The following PDE9A variants were observed in gnomAD, a reference collection of about 807,000 sequenced individuals.
PDE9A encodes phosphodiesterase 9A.
PDE9A carries 60 observed loss-of-function variants against 87.4 expected under a neutral mutation model. That is an observed-to-expected ratio of 0.69 (90% CI 0.56 to 0.85). PDE9A has a LOEUF of 0.85. Ranked by LOEUF, PDE9A falls within the 40% of genes least tolerant of loss-of-function variation. The pLI is 0.00. For synonymous variants in PDE9A, 272 were observed against 279.4 expected (o/e 0.97, Z 0.27); for missense variants, 665 against 779.0 (o/e 0.85, Z 1.74).
At chr21:42,740,702 TAGTA>T (rs1414978992) in intron 7 of PDE9A, among the ~76,000 whole-genome samples, 8 of 113,768 alleles carry the variant, frequency 7.0e-5, no homozygotes, top group South Asian at 2.9e-4. Flanking sequence ...GGTAGGTAGG[TAGTA>T]GATAGATAGA....
chr21:42,681,552 C>G, intron 1 of PDE9A, among the ~76,000 whole-genome samples: 1 of 152,200 alleles, frequency 6.6e-6, no homozygotes, highest in Non-Finnish European at 1.5e-5. Context: ...AGCTTGAGGG[C>G]TCCCAGACAG....
In PDE9A at chr21:42,759,107, G is replaced by A. The variant is rs780107537; in HGVS notation, c.897+22G>A. Reference sequence around the variant, plus strand: ...GCTGGTGAGTGCCAAACCCGCCTTCGGTTCTTCCTGGGCACGTGGTTTCAT... The same window carrying A: ...GCTGGTGAGTGCCAAACCCGCCTTCAGTTCTTCCTGGGCACGTGGTTTCAT... On this transcript the variant is annotated intron_variant, in intron 11 of 19. Coordinates refer to ENST00000291539, the MANE Select transcript of PDE9A (RefSeq NM_002606.3). This position sits in a 1 kb window ranked among gnomAD's most constrained non-coding sequence, Gnocchi z 7.2. 1.3e-5 allele frequency: 20 copies of A among 1,564,032 alleles called. No homozygotes were observed. The highest frequency in any genetic ancestry group is 1.0e-4 in the Admixed American group (6 of 59,894).
At chr21:42,715,527 G>A (rs1218065226) in intron 4 of PDE9A, among the ~76,000 whole-genome samples, 2 of 151,580 alleles carry the variant, frequency 1.3e-5, no homozygotes, top group African/African-American at 4.8e-5. Flanking sequence ...CTTGGCAGGG[G>A]AATCGCTTGA....
At chr21:42,680,177 C>T (rs1430525105) in intron 1 of PDE9A, among the ~76,000 whole-genome samples, 1 of 152,244 alleles carries the variant, frequency 6.6e-6, no homozygotes, top group Non-Finnish European at 1.5e-5. Flanking sequence ...CTCTCAGGGT[C>T]CCAGTGTGGC....
chr21:42,669,254 C>G (rs1483297758), intron 1 of PDE9A, among the ~76,000 whole-genome samples: 1 of 152,138 alleles, frequency 6.6e-6, no homozygotes, highest in Non-Finnish European at 1.5e-5. Flanking sequence ...GAGGCTCCCC[C>G]GGAGATTCCC....
rs1371523179 is a variant in PDE9A at position 42,769,172 on chromosome 21, A to C, written c.1590+17A>C. The C allele has an allele frequency of 1.2e-6, 2 of 1,610,076 alleles. No homozygotes were observed. The highest frequency in any genetic ancestry group is 3.3e-5 in the Admixed American group (2 of 59,744). ...GTGACCAAGGTGAGTAACTGTCACC[A>C]CATGTCACACTTGCTTACACTCAGA... On this transcript the variant is annotated intron_variant, in intron 17 of 19. Coordinates refer to ENST00000291539, the MANE Select transcript of PDE9A (RefSeq NM_002606.3).
Position 42,661,251 on chromosome 21 carries a change from G to A in PDE9A, c.69+7368G>A, listed in dbSNP as rs1392827382. Among the ~76,000 whole-genome samples, 3 of 151,558 alleles carry A rather than the reference G, an allele frequency of 2.0e-5. No individual in the cohort carries two copies. The East Asian group carries it at 5.8e-4, about 29-fold the overall frequency. On this transcript the variant is annotated intron_variant, in intron 1 of 19. Coordinates refer to ENST00000291539, the MANE Select transcript of PDE9A (RefSeq NM_002606.3). ...TCAGCACCTTGACCAGGCTGGTCTC[G>A]AACTCCTGACCATGTGATCCGCCCG...
intron 3 of PDE9A, 54 bp downstream of exon 3, chr21:42,688,048 C>T: frequency 7.3e-7 from 1 of 1,366,206 alleles, no homozygotes; most frequent in Non-Finnish European, 1.0e-6. Flanking sequence ...CTCTCCATGA[C>T]ATGGGAGGCT....
In PDE9A at chr21:42,722,669, A is replaced by T. The variant is rs2050650346; in HGVS notation, c.263-9101A>T. On this transcript the variant is annotated intron_variant, in intron 4 of 19. Transcript: ENST00000291539. This position sits in a 1 kb window ranked among gnomAD's most constrained non-coding sequence, Gnocchi z 4.1. ...GTTTGCCTAGGGGAGAAAAGTACACATTCCCATCAGCTCAGGTGCGTGGAG... is the reference window on the plus strand; with the variant it reads ...GTTTGCCTAGGGGAGAAAAGTACACTTTCCCATCAGCTCAGGTGCGTGGAG... Among the ~76,000 whole-genome samples, 1 of 152,186 alleles carries T rather than the reference A, an allele frequency of 6.6e-6. No individual in the cohort carries two copies. The highest frequency in any genetic ancestry group is 1.5e-5 in the Non-Finnish European group (1 of 68,034).
At chr21:42,716,893 G>C (rs1300313445) in intron 4 of PDE9A, among the ~76,000 whole-genome samples, 1 of 150,688 alleles carries the variant, frequency 6.6e-6, no homozygotes, top group East Asian at 1.9e-4. Flanking sequence ...TGGGATTACA[G>C]ATGTGTGCCG....
At chr21:42,686,381 G>C in intron 2 of PDE9A, 119 bp downstream of exon 2, 1 of 763,274 alleles carries the variant, frequency 1.3e-6, no homozygotes, top group East Asian at 2.6e-5. Flanking sequence ...TTCTACAAGG[G>C]GCTCTTCGAA....
intron 8 of PDE9A, among the ~76,000 whole-genome samples, chr21:42,746,615 C>T (rs1678108817): frequency 6.6e-6 from 1 of 152,236 alleles, no homozygotes; most frequent in African/African-American, 2.4e-5. Context: ...AATGAGGTCA[C>T]CCTCAGAGGC....
rs576223958 is a variant in PDE9A at position 42,686,356 on chromosome 21, C to G, written c.140+94C>G. 8 of 947,654 alleles carry G rather than the reference C, an allele frequency of 8.4e-6. No individual in the cohort carries two copies. In the African/African-American group the frequency reaches 1.3e-4, roughly 15 times the overall value. The allele number at this position is 947,654 out of a possible 1,614,324, so 58.7% of individuals were successfully genotyped here. A position where few individuals can be genotyped will look rare whatever the true frequency, so the allele number is the denominator to read the frequency against. On this transcript the variant is annotated intron_variant, in intron 2 of 19. Transcript: ENST00000291539. ...AGGGGCGGGAAGAGGCGCTGAAGGGCCCGAGGCACCGGCCTTCTACAAGGG... is the reference window on the plus strand; with the variant it reads ...AGGGGCGGGAAGAGGCGCTGAAGGGGCCGAGGCACCGGCCTTCTACAAGGG...
chr21:42,655,875 C>T (rs2057025071), intron 1 of PDE9A, among the ~76,000 whole-genome samples: 1 of 151,838 alleles, frequency 6.6e-6, no homozygotes, highest in Non-Finnish European at 1.5e-5. Flanking sequence ...CCGCCCTCTG[C>T]CCCTTGCTGT....
Position 42,763,424 on chromosome 21 carries a change from G to A in PDE9A, c.1242+1185G>A, listed in dbSNP as rs952815674. Among the ~76,000 whole-genome samples the A allele has an allele frequency of 3.3e-5, 5 of 152,178 alleles. No individual in the cohort carries two copies. The East Asian group carries it at 7.7e-4, about 23-fold the overall frequency. ...CAGCCCAGACACAGAGGAGAAGGCC[G>A]CATGAAGACGCAGTGATTGGAGATT... is the stretch of plus-strand genomic sequence containing the variant. On this transcript the variant is annotated intron_variant, in intron 14 of 19. Coordinates refer to ENST00000291539, the MANE Select transcript of PDE9A (RefSeq NM_002606.3).
chr21:42,762,003 A>G (rs2055832553), intron 13 of PDE9A, 80 bp from the exon 14 acceptor site: 1 of 1,404,628 alleles, frequency 7.1e-7, no homozygotes, highest in South Asian at 1.3e-5. Context: ...TGCTCCACTT[A>G]CATGGCTGGG....
At chr21:42,726,624 A>ATATATATATATATATTTTTTTTTT in intron 4 of PDE9A, among the ~76,000 whole-genome samples, 7 of 19,776 alleles carry the variant, frequency 3.5e-4, no homozygotes, top group Admixed American at 8.2e-4. Flanking sequence ...ATATATATAT[A>ATATATATATATATATTTTTTTTTT]TTTTTTTTTT....
intron 1 of PDE9A, among the ~76,000 whole-genome samples, chr21:42,654,589 C>A (rs1454658176): frequency 6.6e-6 from 1 of 152,176 alleles, no homozygotes; most frequent in African/African-American, 2.4e-5. Flanking sequence ...CAGGGAAAAG[C>A]CATTGTGAGG....
At position 42,760,569 on chromosome 21, in the gene PDE9A, C is replaced by T. The variant is rs777539491; in HGVS notation, c.1002+137C>T. The T allele has an allele frequency of 3.1e-5, 20 of 643,098 alleles. No homozygotes were observed. Among genetic ancestry groups the T allele is most frequent in the South Asian group, 8.9e-5 (5 of 56,330 alleles). 39.8% of individuals were successfully genotyped at this position (643,098 alleles called of 1,614,324 possible). The stretch of plus-strand genomic sequence containing the variant: ...CCAGCCGCTCCGCCCCTCCTAGGGA[C>T]GCACCCCTGCCCACCGTTGTCAGTC... On this transcript the variant is annotated intron_variant, in intron 12 of 19. Transcript: ENST00000291539. The surrounding 1 kb of genome is among the most constrained non-coding windows in gnomAD (Gnocchi z 5.2).
Sources: allele counts gnomAD v4.1 joint callset (sites outside exome capture counted in the v4.1 genomes callset), GRCh38; gene constraint gnomAD v4.1.1; non-coding constraint Gnocchi (gnomAD v3.1); transcripts MANE v1.5; gene names NCBI Gene and HGNC (gene_info 2026-07-23, HGNC 2026-07-21).